The following DHX30 variants were observed in gnomAD, a reference collection of about 807,000 sequenced individuals.
DHX30 encodes the protein DExH-box helicase 30.
In DHX30, 4 loss-of-function variants were observed where a neutral mutation model predicts 116.9. The observed-to-expected ratio is 0.03, with a 90% CI of 0.02 to 0.08. The LOEUF is 0.08. Among genes scored for constraint, DHX30 ranks in the 10% least tolerant of loss-of-function variants. DHX30 has a pLI of 1.00. For missense variants in DHX30, 871 were observed against 1,595.1 expected (o/e 0.55, Z 7.73); for synonymous variants, 697 against 651.7 (o/e 1.07, Z -1.06).
intron 2 of DHX30, among the ~76,000 whole-genome samples, chr3:47,807,190 G>C (rs537442604): frequency 9.4e-4 from 143 of 151,936 alleles, no homozygotes; most frequent in African/African-American, 3.3e-3. Flanking sequence ...TGGGCAACAA[G>C]AGCAACACTC....
intron 6 of DHX30, 21 bp downstream of exon 6, chr3:47,829,155 G>C: frequency 7.3e-7 from 1 of 1,364,336 alleles, no homozygotes; most frequent in Non-Finnish European, 1.0e-6. Context: ...CTCAGTGAAA[G>C]CCACTGAGAC....
chr3:47,825,353 T>G (rs2036505211), intron 4 of DHX30: 2 of 530,094 alleles, frequency 3.8e-6, no homozygotes, highest in Non-Finnish European at 6.6e-6. Flanking sequence ...GGGTCCTCTC[T>G]TCCATAGTGG....
At chr3:47,806,265 T>A (rs1231557223) in intron 2 of DHX30, among the ~76,000 whole-genome samples, 1 of 151,122 alleles carries the variant, frequency 6.6e-6, no homozygotes, top group Non-Finnish European at 1.5e-5. Context: ...TGCCTCAGCC[T>A]CCTGAGTAGC....
chr3:47,811,301 T>G (rs2106943772), intron 3 of DHX30, among the ~76,000 whole-genome samples: 1 of 152,266 alleles, frequency 6.6e-6, no homozygotes, highest in South Asian at 2.1e-4. Context: ...ATCTCCTTCA[T>G]GAACCTTTCC....
At position 47,848,413 on chromosome 3, in the gene DHX30, C is replaced by T. The variant is rs1218962424; in HGVS notation, c.2493+27C>T. ...TGCGGCGGGGCGGGGCAGGGGCTGG[C>T]CTGGGGACCAGGCAGGTGGGAGGCA... is the stretch of plus-strand genomic sequence containing the variant. On this transcript the variant is annotated intron_variant, in intron 15 of 21. Coordinates refer to ENST00000445061, the MANE Select transcript of DHX30 (RefSeq NM_138615.3). The surrounding 1 kb of genome is among the most constrained non-coding windows in gnomAD (Gnocchi z 9.4). The T allele has an allele frequency of 1.2e-6, 2 of 1,613,604 alleles. No individual in the cohort carries two copies. The highest frequency in any genetic ancestry group is 1.7e-6 in the Non-Finnish European group (2 of 1,179,944).
intron 6 of DHX30, among the ~76,000 whole-genome samples, chr3:47,836,622 G>A (rs2037129696): frequency 6.6e-6 from 1 of 151,984 alleles, no homozygotes; most frequent in South Asian, 2.1e-4. Flanking sequence ...GGGTTTAAGC[G>A]ATTCTCCTGC....
chr3:47,849,182 G>C lies in DHX30; in HGVS notation c.2930-10G>C. 2 of 1,613,502 alleles carry C rather than the reference G, an allele frequency of 1.2e-6. No individual in the cohort carries two copies. Among genetic ancestry groups the C allele is most frequent in the Non-Finnish European group, 1.7e-6 (2 of 1,179,786 alleles). On this transcript the variant is annotated splice_polypyrimidine_tract_variant and intron_variant, in intron 18 of 21. Coordinates refer to ENST00000445061, the MANE Select transcript of DHX30 (RefSeq NM_138615.3). ...GGGCTGTAGGTCCACCACACATTCT[G>C]TCTCCCTAGGACTCATCAAGCAGTT...
intron 3 of DHX30, chr3:47,815,894 T>C: frequency 1.0e-6 from 1 of 981,830 alleles, no homozygotes; most frequent in Non-Finnish European, 1.2e-6. Flanking sequence ...TCCCAATTGC[T>C]GAAAATGCTT....
intron 9 of DHX30, among the ~76,000 whole-genome samples, chr3:47,844,522 G>C (rs981236629): frequency 2.0e-5 from 3 of 152,248 alleles, no homozygotes; most frequent in Non-Finnish European, 4.4e-5. Context: ...TGTTCCTGCA[G>C]CAAGGAGCTT....
intron 3 of DHX30, among the ~76,000 whole-genome samples, chr3:47,814,932 C>A (rs2035988573): frequency 6.6e-6 from 1 of 151,192 alleles, no homozygotes; most frequent in Non-Finnish European, 1.5e-5. Flanking sequence ...CTATGTTTCC[C>A]AGGCTGTTCT....
intron 4 of DHX30, chr3:47,825,166 GACC>G: frequency 1.5e-6 from 1 of 668,384 alleles, no homozygotes; most frequent in Non-Finnish European, 2.7e-6. Flanking sequence ...CGCCCACCCC[GACC>G]ACACCAAGGA....
chr3:47,806,144 AT>A (rs779592393), intron 2 of DHX30, among the ~76,000 whole-genome samples: 757 of 97,700 alleles, frequency 7.7e-3, no homozygotes, highest in Middle Eastern at 0.012. Context: ...ATTTTTTTGT[AT>A]TTTTTTTTTT....
chr3:47,803,144 C>T lies in DHX30; in HGVS notation c.-191C>T, dbSNP rs373944656. 6 of 393,830 alleles carry T rather than the reference C, an allele frequency of 1.5e-5. No individual in the cohort carries two copies. Among genetic ancestry groups the T allele is most frequent in the Non-Finnish European group, 2.2e-5 (5 of 222,930 alleles). The allele number at this position is 393,830 out of a possible 1,614,324, so 24.4% of individuals were successfully genotyped here. On this transcript the variant is annotated 5_prime_UTR_variant, in exon 1 of 22. Coordinates refer to ENST00000445061, the MANE Select transcript of DHX30 (RefSeq NM_138615.3). The stretch of plus-strand genomic sequence containing the variant: ...GCCGCCGCTGCTGGGAGTTGTAGTC[C>T]GGCCGTGGTTGGGGGAGCCGCGGCT...
At chr3:47,825,084 T>C in intron 4 of DHX30, 1 of 670,552 alleles carries the variant, frequency 1.5e-6, no homozygotes, top group Non-Finnish European at 2.7e-6. Flanking sequence ...CCGGCATCTC[T>C]CCGCGCCTGC....
chr3:47,815,324 T>G (rs1300087107), intron 3 of DHX30, among the ~76,000 whole-genome samples: 1 of 152,190 alleles, frequency 6.6e-6, no homozygotes, highest in Non-Finnish European at 1.5e-5. Flanking sequence ...TGATAAATAC[T>G]GGAGAGCTAT....
intron 9 of DHX30, among the ~76,000 whole-genome samples, chr3:47,844,873 A>G (rs2037531046): frequency 6.6e-6 from 1 of 152,170 alleles, no homozygotes; most frequent in Admixed American, 6.5e-5. Flanking sequence ...AGGAAATTCC[A>G]CGTGCATCTG....
At chr3:47,825,025 G>A (rs1225142293) in intron 4 of DHX30, 1 of 644,736 alleles carries the variant, frequency 1.6e-6, no homozygotes, top group Middle Eastern at 3.9e-4. Context: ...AGGCCTCGGG[G>A]TCGGCGGGAG....
chr3:47,831,924 C>CTTTTTTTTTTTTTTTTTTT, intron 6 of DHX30, among the ~76,000 whole-genome samples: 1 of 120,380 alleles, frequency 8.3e-6, no homozygotes, highest in Non-Finnish European at 1.7e-5. Flanking sequence ...AGGCCTTTTC[C>CTTTTTTTTTTTTTTTTTTT]TTTTTCTTTT....
intron 2 of DHX30, among the ~76,000 whole-genome samples, chr3:47,808,653 G>C (rs2035641489): frequency 6.6e-6 from 1 of 150,828 alleles, no homozygotes; most frequent in Non-Finnish European, 1.5e-5. Context: ...TTGGCTCACT[G>C]CAACCTCCGC....
Sources: allele counts gnomAD v4.1 joint callset (sites outside exome capture counted in the v4.1 genomes callset), GRCh38; gene constraint gnomAD v4.1.1; non-coding constraint Gnocchi (gnomAD v3.1); transcripts MANE v1.5; gene names NCBI Gene and HGNC (gene_info 2026-07-23, HGNC 2026-07-21).